PHTF2: variants seen among roughly 807,000 people sequenced by gnomAD.
PHTF2 encodes the protein putative homeodomain transcription factor 2, also known as protein PHTF2.
Under a neutral mutation model 101.2 loss-of-function variants are expected in PHTF2, and 60 were observed. The ratio of observed to expected loss-of-function variants is 0.59; its 90% confidence interval spans 0.48 to 0.73. PHTF2 has a LOEUF of 0.73. Ranked by LOEUF, PHTF2 falls within the 30% of genes least tolerant of loss-of-function variation. PHTF2 has a pLI of 0.00. For synonymous variants in PHTF2, 311 were observed against 307.3 expected (o/e 1.01, Z -0.13); for missense variants, 747 against 908.7 (o/e 0.82, Z 2.29).
At chr7:77,911,180 C>T (rs1045359551) in intron 9 of PHTF2, among the ~76,000 whole-genome samples, 1 of 148,458 alleles carries the variant, frequency 6.7e-6, no homozygotes, top group East Asian at 2.0e-4. Context: ...GTGTACTATA[C>T]AAAAATGGCT....
At chr7:77,831,961 T>C (rs544999524) in intron 1 of PHTF2, among the ~76,000 whole-genome samples, 24 of 152,246 alleles carry the variant, frequency 1.6e-4, no homozygotes, top group African/African-American at 5.1e-4. Flanking sequence ...GCTTCTCTTA[T>C]ATGCAGAAGT....
At chr7:77,957,429 G>T (rs1807047726) in exon 20 of PHTF2, 1 of 152,114 alleles carries the variant, frequency 6.6e-6, no homozygotes, top group South Asian at 2.1e-4. Flanking sequence ...TATCATTAAT[G>T]TTTGTTTGCT....
At chr7:77,932,621 A>AGT (rs56005414) in intron 12 of PHTF2, among the ~76,000 whole-genome samples, 1,838 of 118,496 alleles carry the variant, frequency 0.016, 30 homozygotes, top group South Asian at 0.043. Flanking sequence ...AGAGAGAGAG[A>AGT]GTGTGTGTGT....
chr7:77,807,753 T>C (rs1006032292), intron 1 of PHTF2, among the ~76,000 whole-genome samples: 5 of 152,218 alleles, frequency 3.3e-5, no homozygotes, highest in African/African-American at 1.2e-4. Context: ...CTTTTGGTGT[T>C]ACAGCCAAGA....
At chr7:77,937,631 T>G (rs1238768218) in intron 12 of PHTF2, 79 bp from the exon 12 acceptor site, 16 of 458,698 alleles carry the variant, frequency 3.5e-5, no homozygotes, top group Non-Finnish European at 2.9e-5. Flanking sequence ...TATATAGAGA[T>G]ATATATACAA....
chr7:77,861,347 A>G (rs1446086498), intron 3 of PHTF2, among the ~76,000 whole-genome samples: 2 of 152,188 alleles, frequency 1.3e-5, no homozygotes, highest in Admixed American at 6.5e-5. Flanking sequence ...TTTCAGTTAT[A>G]TCTTACACTT....
intron 13 of PHTF2, among the ~76,000 whole-genome samples, chr7:77,939,055 CACTTA>C (rs1805406220): frequency 6.6e-6 from 1 of 152,128 alleles, no homozygotes; most frequent in African/African-American, 2.4e-5. Flanking sequence ...ATTGGCAGAT[CACTTA>C]ACTTACAATG....
intron 2 of PHTF2, among the ~76,000 whole-genome samples, chr7:77,842,987 G>A (rs1234771954): frequency 1.3e-5 from 2 of 152,134 alleles, no homozygotes; most frequent in Admixed American, 6.5e-5. Flanking sequence ...TTGATTTGCT[G>A]ACCCACACTC....
At chr7:77,894,109 T>C in intron 5 of PHTF2, 116 bp downstream of exon 4, 1 of 842,154 alleles carries the variant, frequency 1.2e-6, no homozygotes, top group South Asian at 1.4e-5. Flanking sequence ...AAAGAGTCAC[T>C]GAAAAGTTGG....
intron 1 of PHTF2, among the ~76,000 whole-genome samples, chr7:77,811,759 T>G (rs187925110): frequency 6.6e-6 from 1 of 152,232 alleles, no homozygotes; most frequent in Admixed American, 6.5e-5. Context: ...CTAAGCAGTG[T>G]TGATTTCTTT....
intron 16 of PHTF2, among the ~76,000 whole-genome samples, chr7:77,948,982 T>G (rs1035246309): frequency 2.6e-5 from 4 of 152,198 alleles, no homozygotes; most frequent in African/African-American, 9.6e-5. Context: ...CATACAAGAA[T>G]GTGTATTGCA....
chr7:77,893,655 A>G (rs1800635699), exon 4 of PHTF2: 1 of 1,373,038 alleles, frequency 7.3e-7, no homozygotes, highest in Non-Finnish European at 1.0e-6. Flanking sequence ...TTGAACAGAG[A>G]GAAATCAAGG....
intron 2 of PHTF2, among the ~76,000 whole-genome samples, chr7:77,843,085 T>C (rs1237062354): frequency 6.6e-6 from 1 of 152,220 alleles, no homozygotes; most frequent in East Asian, 1.9e-4. Flanking sequence ...TTGGTCATTT[T>C]ATTGTAGATG....
intron 3 of PHTF2, among the ~76,000 whole-genome samples, chr7:77,871,863 C>T (rs1315804653): frequency 2.0e-5 from 3 of 152,112 alleles, no homozygotes; most frequent in African/African-American, 7.2e-5. Context: ...TGTGGAATAC[C>T]ATGATGTTGG....
intron 2 of PHTF2, among the ~76,000 whole-genome samples, chr7:77,848,133 A>C (rs1796455915): frequency 1.3e-5 from 2 of 152,198 alleles, no homozygotes; most frequent in Non-Finnish European, 2.9e-5. Context: ...GGTTGGTTCC[A>C]AATCTTGGTT....
At chr7:77,821,030 G>A (rs1794245008) in intron 1 of PHTF2, among the ~76,000 whole-genome samples, 1 of 152,064 alleles carries the variant, frequency 6.6e-6, no homozygotes, top group African/African-American at 2.4e-5. Flanking sequence ...GCTTAGTGGT[G>A]ATGAATTTAC....
intron 2 of PHTF2, among the ~76,000 whole-genome samples, chr7:77,850,113 G>A (rs1796620090): frequency 6.6e-6 from 1 of 151,678 alleles, no homozygotes; most frequent in South Asian, 2.1e-4. Context: ...AACTTCGGGA[G>A]GCTGAGGTGG....
chr7:77,871,002 C>T (rs1798469197), intron 3 of PHTF2, among the ~76,000 whole-genome samples: 1 of 152,200 alleles, frequency 6.6e-6, no homozygotes, highest in African/African-American at 2.4e-5. Flanking sequence ...AGGAAACACT[C>T]ATGACAGTTA....
At chr7:77,826,307 A>G (rs1303015222) in intron 1 of PHTF2, among the ~76,000 whole-genome samples, 3 of 152,230 alleles carry the variant, frequency 2.0e-5, no homozygotes, top group African/African-American at 4.8e-5. Flanking sequence ...TTTTGACGGT[A>G]GGAAGTTGTC....
Sources: gnomAD v4.1 joint callset for allele counts (sites outside exome capture counted in the v4.1 genomes callset) on GRCh38, gnomAD v4.1.1 for gene constraint, MANE v1.5 for transcripts, NCBI Gene and HGNC (gene_info 2026-07-23, HGNC 2026-07-21) for gene names.